The following PRKCE variants were observed in gnomAD, a reference collection of about 807,000 sequenced individuals.
PRKCE encodes the protein protein kinase C epsilon type.
A neutral mutation model predicts 85.4 loss-of-function variants in PRKCE; 16 were observed. That is an observed-to-expected ratio of 0.19 (90% CI 0.13 to 0.28). PRKCE has a LOEUF of 0.28. Ranked by LOEUF, PRKCE falls within the 10% of genes least tolerant of loss-of-function variation. The pLI is 1.00. For synonymous variants in PRKCE, 388 were observed against 371.5 expected, an observed-to-expected ratio of 1.04 and a Z score of -0.51; for missense variants, 573 against 975.2, an observed-to-expected ratio of 0.59 and a Z score of 5.49.
At chr2:45,827,069 C>T (rs527850098) in intron 1 of PRKCE, among the ~76,000 whole-genome samples, 2 of 152,222 alleles carry the variant, frequency 1.3e-5, no homozygotes, top group African/African-American at 2.4e-5. Context: ...TCACTCACGG[C>T]CAAAGCCAAA....
chr2:45,826,074 C>G (rs1689918793), intron 1 of PRKCE, among the ~76,000 whole-genome samples: 2 of 152,034 alleles, frequency 1.3e-5, no homozygotes, highest in Non-Finnish European at 2.9e-5. Flanking sequence ...GGAGAGAAGT[C>G]AAAGTAGACC....
chr2:46,075,351 T>C (rs189546483), intron 10 of PRKCE, among the ~76,000 whole-genome samples: 2 of 152,032 alleles, frequency 1.3e-5, no homozygotes, highest in East Asian at 2.0e-4. Context: ...AAAAATCTTA[T>C]AAGAAATATT....
At chr2:45,717,556 C>T (rs6544843) in intron 1 of PRKCE, among the ~76,000 whole-genome samples, 9,909 of 152,202 alleles carry the variant, frequency 0.065, 579 homozygotes, top group African/African-American at 0.15. Context: ...GAGCAAAATA[C>T]GTTCCTTCTA....
At chr2:46,182,564 C>G (rs1004007968) in intron 14 of PRKCE, among the ~76,000 whole-genome samples, 15 of 152,246 alleles carry the variant, frequency 9.9e-5, no homozygotes, top group Non-Finnish European at 1.8e-4. Context: ...GTGTGTCCCC[C>G]CCTTCCCCCT....
intron 2 of PRKCE, among the ~76,000 whole-genome samples, chr2:45,932,340 AG>A (rs1282418557): frequency 2.0e-5 from 3 of 152,184 alleles, no homozygotes; most frequent in Non-Finnish European, 4.4e-5. Flanking sequence ...TTTCCAGTTT[AG>A]GGGTAGTATG....
intron 1 of PRKCE, among the ~76,000 whole-genome samples, chr2:45,792,887 C>A (rs1034295104): frequency 6.6e-6 from 1 of 152,200 alleles, no homozygotes; most frequent in Middle Eastern, 3.2e-3. Flanking sequence ...CAACCTCTGT[C>A]TCCCGGGTTC....
At chr2:46,019,996 C>T (rs1474727419) in intron 10 of PRKCE, among the ~76,000 whole-genome samples, 2 of 151,944 alleles carry the variant, frequency 1.3e-5, no homozygotes, top group Non-Finnish European at 1.5e-5. Context: ...ATTACAGGCA[C>T]GCACCACCAG....
In PRKCE at chr2:45,774,485, A is replaced by G. The variant is rs147632918; in HGVS notation, c.349-68515A>G. On this transcript the variant is annotated intron_variant, in intron 1 of 14. Transcript: ENST00000306156. This position sits in a 1 kb window ranked among gnomAD's most constrained non-coding sequence, Gnocchi z 4.3. ...CCCGCTTTTTCTCTCTTTTTGATAA[A>G]TTCTCTTCCCTCCCTGTCTCTCCTG... 8.7e-3 allele frequency among the ~76,000 whole-genome samples: 1,330 copies of G among 152,156 alleles called. 11 individuals carry two copies. Among genetic ancestry groups the G allele is most frequent in the Middle Eastern group, 0.014 (4 of 294 alleles).
intron 11 of PRKCE, among the ~76,000 whole-genome samples, chr2:46,097,876 G>A (rs1170697216): frequency 6.6e-6 from 1 of 152,186 alleles, no homozygotes; most frequent in Admixed American, 6.5e-5. Context: ...GTTGGGGGGT[G>A]AAAGCATTGT....
chr2:45,836,418 A>G (rs1690880569), intron 1 of PRKCE, among the ~76,000 whole-genome samples: 1 of 152,212 alleles, frequency 6.6e-6, no homozygotes, highest in African/African-American at 2.4e-5. Flanking sequence ...CCAAATGAAG[A>G]GTCTTTAATT....
intron 11 of PRKCE, among the ~76,000 whole-genome samples, chr2:46,135,745 G>GTTTT (rs1558491144): frequency 2.7e-4 from 4 of 14,898 alleles, no homozygotes; most frequent in African/African-American, 2.7e-4. Flanking sequence ...AACAAATTAT[G>GTTTT]CTTTTTTTTT....
intron 2 of PRKCE, among the ~76,000 whole-genome samples, chr2:45,975,755 G>T (rs929590222): frequency 1.7e-4 from 26 of 152,282 alleles, no homozygotes; most frequent in African/African-American, 6.3e-4. Flanking sequence ...AGATCTTTTT[G>T]ACTCCAGTGG....
intron 2 of PRKCE, among the ~76,000 whole-genome samples, chr2:45,904,661 C>G (rs899635541): frequency 1.3e-5 from 2 of 152,082 alleles, no homozygotes; most frequent in Non-Finnish European, 2.9e-5. Flanking sequence ...GGGCTGTGCT[C>G]GGGGATCTCA....
intron 1 of PRKCE, among the ~76,000 whole-genome samples, chr2:45,667,681 A>AT (rs984552500): frequency 1.3e-5 from 2 of 152,026 alleles, no homozygotes; most frequent in African/African-American, 4.8e-5. Flanking sequence ...AGTTATGTTT[A>AT]TTTTTTAGAG....
At chr2:45,763,122 T>C (rs531552498) in intron 1 of PRKCE, among the ~76,000 whole-genome samples, 1 of 152,188 alleles carries the variant, frequency 6.6e-6, no homozygotes, top group East Asian at 1.9e-4. Flanking sequence ...ACCCGGCTAA[T>C]TTTTTGTATT....
intron 2 of PRKCE, among the ~76,000 whole-genome samples, chr2:45,880,661 C>A (rs1248948186): frequency 1.3e-5 from 2 of 152,130 alleles, no homozygotes; most frequent in Non-Finnish European, 2.9e-5. Flanking sequence ...CACACAGTGG[C>A]TAGTTCATAG....
At chr2:45,658,040 A>T (rs2103718330) in intron 1 of PRKCE, among the ~76,000 whole-genome samples, 1 of 152,234 alleles carries the variant, frequency 6.6e-6, no homozygotes, top group East Asian at 1.9e-4. Context: ...TGTAGGAAAA[A>T]ATTTTTTAAA....
chr2:46,094,221 A>C (rs1438310690), intron 11 of PRKCE, among the ~76,000 whole-genome samples: 34 of 152,002 alleles, frequency 2.2e-4, no homozygotes, highest in Non-Finnish European at 1.5e-5. Flanking sequence ...CTTTCATCCT[A>C]GGCTTCCTTT....
chr2:45,957,355 A>C (rs945978356), intron 2 of PRKCE, among the ~76,000 whole-genome samples: 1 of 152,214 alleles, frequency 6.6e-6, no homozygotes, highest in East Asian at 1.9e-4. Flanking sequence ...TCCAAGCACC[A>C]CTTGTTGAAA....
Sources: allele counts gnomAD v4.1 joint callset (sites outside exome capture counted in the v4.1 genomes callset), GRCh38; gene constraint gnomAD v4.1.1; non-coding constraint Gnocchi (gnomAD v3.1); transcripts MANE v1.5; gene names NCBI Gene and HGNC (gene_info 2026-07-23, HGNC 2026-07-21).